PTPRN2: variants seen among roughly 807,000 people sequenced by gnomAD.
PTPRN2 encodes the protein protein tyrosine phosphatase receptor type N2.
A neutral mutation model predicts 118.8 loss-of-function variants in PTPRN2; 74 were observed. That is an observed-to-expected ratio of 0.62 (90% CI 0.52 to 0.76). The LOEUF is 0.76. PTPRN2 is among the 30% of genes least tolerant of loss of function. The probability of loss-of-function intolerance (pLI) is 0.00; values close to 1 mark genes in which losing one functional copy is unlikely to be tolerated. For missense variants in PTPRN2, 1,481 were observed against 1,394.4 expected, an observed-to-expected ratio of 1.06 and a Z score of -0.99; for synonymous variants, 641 against 608.0, an observed-to-expected ratio of 1.05 and a Z score of -0.80.
At chr7:158,314,882 GGGACC>G in intron 3 of PTPRN2, among the ~76,000 whole-genome samples, 1 of 146,250 alleles carries the variant, frequency 6.8e-6, no homozygotes, top group South Asian at 2.2e-4. Context: ...AGGTGAACCC[GGGACC>G]CCCTTAAGGA....
At chr7:158,154,196 G>T (rs796423580) in intron 6 of PTPRN2, among the ~76,000 whole-genome samples, 1 of 152,170 alleles carries the variant, frequency 6.6e-6, no homozygotes, top group Non-Finnish European at 1.5e-5. Flanking sequence ...GCAGCGTAAC[G>T]CAGAGACAGG....
At chr7:158,036,660 G>C (rs1277913241) in intron 11 of PTPRN2, among the ~76,000 whole-genome samples, 1 of 152,150 alleles carries the variant, frequency 6.6e-6, no homozygotes, top group African/African-American at 2.4e-5. Context: ...ATTAAAGGGA[G>C]AAAAAGTCCA....
chr7:158,473,024 ATG>A (rs1343234347), intron 2 of PTPRN2, among the ~76,000 whole-genome samples: 2 of 85,280 alleles, frequency 2.3e-5, no homozygotes, highest in Non-Finnish European at 5.0e-5. Context: ...ACCGAAAGAC[ATG>A]TGTTTGTTGT....
intron 3 of PTPRN2, among the ~76,000 whole-genome samples, chr7:158,288,225 C>G (rs1346477998): frequency 9.9e-5 from 15 of 152,144 alleles, no homozygotes; most frequent in African/African-American, 3.6e-4. Flanking sequence ...TAGTTGGGTC[C>G]TATTTTTCAG....
In PTPRN2 at chr7:158,546,795, G is replaced by A. The variant is rs1394726795; in HGVS notation, c.112+40763C>T. On this transcript the variant is annotated intron_variant, in intron 1 of 22. Transcript: ENST00000389418. The surrounding 1 kb of genome is among the most constrained non-coding windows in gnomAD (Gnocchi z 5.0). ...TTCTTGTGAGTTGAGCACGTCTCAC[G>A]TATGCACCAACATGCAGATGCACAC... Among the ~76,000 whole-genome samples the A allele has an allele frequency of 3.3e-5, 5 of 152,358 alleles. 1 individual carries two copies. The highest frequency in any genetic ancestry group is 1.9e-4 in the East Asian group (1 of 5,190).
In PTPRN2 at chr7:157,787,070, TGCGGCGGGGGACGCGGGGGTGGCTGCCC is replaced by T. The variant is rs1804095238; in HGVS notation, c.1789-104161_1789-104134del. 8.6e-6 allele frequency among the ~76,000 whole-genome samples: 1 copy of T among 116,260 alleles called. No homozygotes were observed. The highest frequency in any genetic ancestry group is 1.8e-5 in the Non-Finnish European group (1 of 56,742). 76.3% of individuals were successfully genotyped at this position (116,260 alleles called of 152,430 possible). A position where few individuals can be genotyped will look rare whatever the true frequency, so the allele number is the denominator to read the frequency against. Reference sequence around the variant, plus strand: ...TGGCTGCCCGGGAGGCGGACGCGGGTGCGGCGGGGGACGCGGGGGTGGCTGCCCGGGAGGCGGACGCGGGTGCGGCGGG... The same window carrying T: ...TGGCTGCCCGGGAGGCGGACGCGGGTGGGAGGCGGACGCGGGTGCGGCGGG... On this transcript the variant is annotated intron_variant, in intron 12 of 22. Coordinates refer to ENST00000389418, the MANE Select transcript of PTPRN2 (RefSeq NM_002847.5). The surrounding 1 kb of genome is among the most constrained non-coding windows in gnomAD (Gnocchi z 5.3).
intron 21 of PTPRN2, among the ~76,000 whole-genome samples, chr7:157,567,611 T>C (rs187975238): frequency 2.0e-5 from 3 of 152,216 alleles, no homozygotes. Context: ...TGGAAGTGTA[T>C]AGAAACTTGT....
At chr7:158,539,747 T>A (rs1034497622) in intron 1 of PTPRN2, 1 of 238,908 alleles carries the variant, frequency 4.2e-6, no homozygotes, top group Non-Finnish European at 8.3e-6. Flanking sequence ...CTGGAGCTGA[T>A]GACAGCTGGA....
chr7:158,364,881 G>A (rs749455423), intron 2 of PTPRN2, among the ~76,000 whole-genome samples: 5 of 152,196 alleles, frequency 3.3e-5, no homozygotes, highest in African/African-American at 4.8e-5. Context: ...ATAACGGAAC[G>A]GCATGAGAAT....
intron 2 of PTPRN2, among the ~76,000 whole-genome samples, chr7:158,483,974 CA>C (rs998107866): frequency 3.3e-5 from 5 of 150,560 alleles, no homozygotes; most frequent in South Asian, 2.1e-4. Flanking sequence ...TCCATCACTG[CA>C]AAAAAAAAAT....
intron 3 of PTPRN2, among the ~76,000 whole-genome samples, chr7:158,264,871 G>A (rs181498559): frequency 1.2e-4 from 18 of 152,248 alleles, no homozygotes; most frequent in African/African-American, 2.6e-4. Flanking sequence ...CTTGATGCCC[G>A]GGAGGAGCTG....
At chr7:158,268,673 C>T (rs112073067) in intron 3 of PTPRN2, among the ~76,000 whole-genome samples, 4 of 130,012 alleles carry the variant, frequency 3.1e-5, no homozygotes, top group Non-Finnish European at 4.9e-5. Flanking sequence ...ATATCCCAGC[C>T]GTGTGCACAC....
At chr7:157,706,492 A>G (rs1189759186) in intron 12 of PTPRN2, among the ~76,000 whole-genome samples, 2 of 151,346 alleles carry the variant, frequency 1.3e-5, no homozygotes, top group Non-Finnish European at 2.9e-5. Flanking sequence ...TGCTTTCCGG[A>G]TCAACAGGGA....
rs149009930 is a variant in PTPRN2 at position 157,942,728 on chromosome 7, G to A, written c.1724-43991C>T. On this transcript the variant is annotated intron_variant, in intron 11 of 22. Coordinates refer to ENST00000389418, the MANE Select transcript of PTPRN2 (RefSeq NM_002847.5). ...CACACCCCCACAACCCTGTGCTCAC[G>A]GAGAACTGCCCCCACCTTTTCTAGG... 9.6e-3 allele frequency among the ~76,000 whole-genome samples: 1,459 copies of A among 152,114 alleles called. 26 individuals carry two copies. Among genetic ancestry groups the A allele is most frequent in the South Asian group, 0.045 (216 of 4,792 alleles).
intron 1 of PTPRN2, among the ~76,000 whole-genome samples, chr7:158,523,661 AGTC>A (rs779929281): frequency 0.031 from 3,022 of 96,624 alleles, 2 homozygotes; most frequent in East Asian, 0.079. Context: ...CCTGGAGTGG[AGTC>A]GTCTGCCCTG....
intron 7 of PTPRN2, among the ~76,000 whole-genome samples, chr7:158,137,019 G>A (rs1010385222): frequency 2.0e-5 from 3 of 152,106 alleles, no homozygotes; most frequent in Admixed American, 6.5e-5. Flanking sequence ...AGCAGTTCAC[G>A]TCATGAAAAA....
Position 157,671,401 on chromosome 7 carries a change from G to A in PTPRN2, c.2001+11324C>T, listed in dbSNP as rs1796403252. Among the ~76,000 whole-genome samples the A allele has an allele frequency of 6.6e-6, 1 of 152,176 alleles. No homozygotes were observed. Among genetic ancestry groups the A allele is most frequent in the Non-Finnish European group, 1.5e-5 (1 of 68,034 alleles). ...CGGCAGAAGGGATAAAGGGGAGGTAGGGATGAATAGGGCCCTGGTGTTCGG... is the reference window on the plus strand; with the variant it reads ...CGGCAGAAGGGATAAAGGGGAGGTAAGGATGAATAGGGCCCTGGTGTTCGG... On this transcript the variant is annotated intron_variant, in intron 13 of 22. Coordinates refer to ENST00000389418, the MANE Select transcript of PTPRN2 (RefSeq NM_002847.5). This position sits in a 1 kb window ranked among gnomAD's most constrained non-coding sequence, Gnocchi z 4.1.
rs1382789869 is a variant in PTPRN2 at position 158,403,592 on chromosome 7, CAGAG to C, written c.163+86139_163+86142del. ...CACTCTGGTGGCACGTCAATCACCA[CAGAG>C]AGGTCACTTCTGTTCACGCTGCCTG... On this transcript the variant is annotated intron_variant, in intron 2 of 22. Coordinates refer to ENST00000389418, the MANE Select transcript of PTPRN2 (RefSeq NM_002847.5). Among the ~76,000 whole-genome samples the C allele has an allele frequency of 2.6e-5, 4 of 152,346 alleles. No homozygotes were observed. The East Asian group carries it at 7.7e-4, about 29-fold the overall frequency.
At chr7:158,213,211 T>C (rs1189068811) in intron 3 of PTPRN2, among the ~76,000 whole-genome samples, 1 of 32,252 alleles carries the variant, frequency 3.1e-5, no homozygotes, top group Non-Finnish European at 6.4e-5. Context: ...TGTGCTTGTG[T>C]GTGTGTGTGT....
Sources: gnomAD v4.1 joint callset for allele counts (sites outside exome capture counted in the v4.1 genomes callset) on GRCh38, gnomAD v4.1.1 for gene constraint, Gnocchi (gnomAD v3.1) non-coding constraint, MANE v1.5 for transcripts, NCBI Gene and HGNC (gene_info 2026-07-23, HGNC 2026-07-21) for gene names.